The following ROPN1L variants were observed in gnomAD, a reference collection of about 807,000 sequenced individuals.
ROPN1L encodes rhophilin associated tail protein 1 like, also known as ropporin-1-like protein.
A neutral mutation model predicts 22.7 loss-of-function variants in ROPN1L; 23 were observed. That is an observed-to-expected ratio of 1.01 (90% CI 0.73 to 1.43). The LOEUF (loss-of-function observed/expected upper bound fraction) is 1.43, where lower values mean the gene tolerates loss of function less well. ROPN1L is among the 40% of genes most tolerant of loss of function. The probability of loss-of-function intolerance (pLI) is 0.00; values close to 1 mark genes in which losing one functional copy is unlikely to be tolerated. For missense variants in ROPN1L, 271 were observed against 291.5 expected (o/e 0.93, Z 0.51); for synonymous variants, 116 against 117.8 (o/e 0.98, Z 0.10).
chr5:10,442,156 C>A lies in ROPN1L; in HGVS notation c.-12C>A. On this transcript the variant is annotated 5_prime_UTR_variant, in exon 1 of 5. In the 5' UTR this introduces an upstream ATG that the reference lacks. Transcript: ENST00000274134. ...CCGCGATTCACCAGCCTGGTCCCTTCTGCGGAGAGCGATGCCGCTTCCCGA... is the reference window on the plus strand; with the variant it reads ...CCGCGATTCACCAGCCTGGTCCCTTATGCGGAGAGCGATGCCGCTTCCCGA... The A allele has an allele frequency of 6.2e-7, 1 of 1,612,884 alleles. No individual in the cohort carries two copies. Among genetic ancestry groups the A allele is most frequent in the African/African-American group, 1.3e-5 (1 of 75,066 alleles).
chr5:10,461,447 T>C, intron 4 of ROPN1L, 88 bp downstream of exon 4: 1 of 1,162,758 alleles, frequency 8.6e-7, no homozygotes, highest in South Asian at 1.4e-5. Context: ...AAAACTCAGT[T>C]TTTCCTTTGC....
chr5:10,479,220 T>C, the ROPN1L span, among the ~76,000 whole-genome samples: 1 of 152,200 alleles, frequency 6.6e-6, no homozygotes, highest in African/African-American at 2.4e-5. Context: ...GTGACACTGG[T>C]CTACAATGAC....
intron 4 of ROPN1L, among the ~76,000 whole-genome samples, chr5:10,463,528 CCAG>C (rs1735083763): frequency 6.6e-6 from 1 of 152,188 alleles, no homozygotes; most frequent in Non-Finnish European, 1.5e-5. Flanking sequence ...CCTCCAGGCT[CCAG>C]CCCCAAGGGA....
At chr5:10,456,201 GT>G (rs1401998054) in intron 3 of ROPN1L, among the ~76,000 whole-genome samples, 1 of 152,194 alleles carries the variant, frequency 6.6e-6, no homozygotes, top group Admixed American at 6.5e-5. Context: ...AAAACTAAGT[GT>G]TTGGCTGGGT....
rs1038617360 is a variant in ROPN1L at position 10,442,082 on chromosome 5, C to T, written c.-86C>T. The T allele has an allele frequency of 1.9e-5, 30 of 1,539,000 alleles. No homozygotes were observed. The African/African-American group carries it at 2.6e-4, about 13-fold the overall frequency. ...CTGGCCGCAAGCCCCGCGCTGCTAG[C>T]GGGTCCACCGCGTCGTAGCCGACAG... On this transcript the variant is annotated 5_prime_UTR_variant, in exon 1 of 5. Coordinates refer to ENST00000274134, the MANE Select transcript of ROPN1L (RefSeq NM_031916.5).
intron 3 of ROPN1L, among the ~76,000 whole-genome samples, chr5:10,452,303 GTGTGTGTGTGTC>G (rs1451723411): frequency 3.4e-5 from 5 of 145,312 alleles, no homozygotes; most frequent in African/African-American, 1.4e-4. Context: ...GTGTGTGTGT[GTGTGTGTGTGTC>G]TGTGTGTGTG....
intron 4 of ROPN1L, among the ~76,000 whole-genome samples, chr5:10,470,610 T>G (rs1579664148): frequency 6.6e-6 from 1 of 152,158 alleles, no homozygotes; most frequent in African/African-American, 2.4e-5. Flanking sequence ...TTCCCCGAGG[T>G]TGGAGCAGGG....
the ROPN1L span, among the ~76,000 whole-genome samples, chr5:10,479,826 C>T: frequency 6.6e-6 from 1 of 152,016 alleles, no homozygotes; most frequent in East Asian, 1.9e-4. Context: ...GCTCACGCAA[C>T]CTCTGCCTCC....
chr5:10,444,313 G>A (rs758367899), intron 1 of ROPN1L, among the ~76,000 whole-genome samples: 1 of 151,906 alleles, frequency 6.6e-6, no homozygotes, highest in Non-Finnish European at 1.5e-5. Flanking sequence ...TTTTTGAGAC[G>A]GAGTTTCACT....
intron 3 of ROPN1L, among the ~76,000 whole-genome samples, chr5:10,450,660 A>G (rs1741223550): frequency 6.6e-6 from 1 of 152,094 alleles, no homozygotes; most frequent in Non-Finnish European, 1.5e-5. Flanking sequence ...ATGTGCCACC[A>G]TGCCTGGCTA....
chr5:10,453,038 C>T (rs1178091360), intron 3 of ROPN1L, among the ~76,000 whole-genome samples: 2 of 152,204 alleles, frequency 1.3e-5, no homozygotes, highest in Non-Finnish European at 2.9e-5. Context: ...CGGGTTCCTG[C>T]CTGTCTCCTG....
chr5:10,481,208 T>C, the ROPN1L span, among the ~76,000 whole-genome samples: 3 of 152,246 alleles, frequency 2.0e-5, no homozygotes, highest in Non-Finnish European at 4.4e-5. Flanking sequence ...ATGTGGTGTA[T>C]TAATGCAATA....
At chr5:10,468,961 C>T (rs929661059), downstream of ROPN1L, among the ~76,000 whole-genome samples, 1 of 151,834 alleles carries the variant, frequency 6.6e-6, no homozygotes, top group Non-Finnish European at 1.5e-5. Context: ...CGAGACCATC[C>T]TGGCTAACAC....
rs1324552011 is a variant in ROPN1L, at chr5:10,441,885, C to A, written c.-283C>A. On this transcript the variant is annotated 5_prime_UTR_variant, in exon 1 of 5. Transcript: ENST00000274134. ...CCAGGGGCGGGGCCTGCTCGCGTCCCGGGTGCCTGGATACCGAGCGCGTCC... is the reference window on the plus strand; with the variant it reads ...CCAGGGGCGGGGCCTGCTCGCGTCCAGGGTGCCTGGATACCGAGCGCGTCC... 2 of 261,008 alleles carry A rather than the reference C, an allele frequency of 7.7e-6. No homozygotes were observed. The highest frequency in any genetic ancestry group is 7.4e-6 in the Non-Finnish European group (1 of 134,864). 16.2% of individuals were successfully genotyped at this position (261,008 alleles called of 1,614,324 possible). A position where few individuals can be genotyped will look rare whatever the true frequency, so the allele number is the denominator to read the frequency against.
Position 10,464,834 on chromosome 5 carries a change from T to C in ROPN1L, c.594-14T>C. 1.3e-6 allele frequency: 2 copies of C among 1,494,790 alleles called. No individual in the cohort carries two copies. Among genetic ancestry groups the C allele is most frequent in the South Asian group, 1.2e-5 (1 of 81,992 alleles). The allele number at this position is 1,494,790 out of a possible 1,614,324, so 92.6% of individuals were successfully genotyped here. ...GAAATTACCAATAAATATCTTTATC[T>C]GTTTCCAATTTAGAGACGCCAGGAA... On this transcript the variant is annotated splice_polypyrimidine_tract_variant and intron_variant, in intron 4 of 4. Coordinates refer to ENST00000274134, the MANE Select transcript of ROPN1L (RefSeq NM_031916.5).
intron 3 of ROPN1L, among the ~76,000 whole-genome samples, chr5:10,458,028 A>G (rs994054705): frequency 3.9e-5 from 6 of 152,032 alleles, no homozygotes; most frequent in African/African-American, 1.5e-4. Context: ...ATGTTTGCCA[A>G]GCGATGTGGT....
At chr5:10,455,557 C>A (rs982757396) in intron 3 of ROPN1L, among the ~76,000 whole-genome samples, 1 of 152,216 alleles carries the variant, frequency 6.6e-6, no homozygotes, top group Non-Finnish European at 1.5e-5. Context: ...TTGCCCTGTC[C>A]GCTGGAGATT....
downstream of ROPN1L, among the ~76,000 whole-genome samples, chr5:10,476,682 G>A (rs1273000782): frequency 2.6e-5 from 4 of 152,156 alleles, no homozygotes; most frequent in African/African-American, 9.7e-5. Flanking sequence ...GTAGAAGGAC[G>A]GTGATATTTA....
At chr5:10,445,782 C>T (rs1003533318) in intron 1 of ROPN1L, among the ~76,000 whole-genome samples, 1 of 152,090 alleles carries the variant, frequency 6.6e-6, no homozygotes, top group African/African-American at 2.4e-5. Flanking sequence ...AATTAGCCGG[C>T]CATGGTGATG....
Sources: allele counts gnomAD v4.1 joint callset (sites outside exome capture counted in the v4.1 genomes callset), GRCh38; gene constraint gnomAD v4.1.1; transcripts MANE v1.5; gene names NCBI Gene and HGNC (gene_info 2026-07-23, HGNC 2026-07-21).